The following CCSER1 variants were observed in gnomAD, a reference collection of about 807,000 sequenced individuals.
CCSER1 encodes coiled-coil serine rich protein 1.
Under a neutral mutation model 82.0 loss-of-function variants are expected in CCSER1, and 41 were observed. The ratio of observed to expected loss-of-function variants is 0.50; its 90% CI spans 0.39 to 0.65. The LOEUF (loss-of-function observed/expected upper bound fraction) is 0.65, where lower values mean the gene tolerates loss of function less well. Among genes scored for constraint, CCSER1 ranks in the 30% least tolerant of loss-of-function variants. CCSER1 has a pLI of 0.00. For missense variants in CCSER1, 1,119 were observed against 1,064.2 expected (o/e 1.05, Z -0.72); for synonymous variants, 414 against 383.9 (o/e 1.08, Z -0.92).
chr4:91,134,759 C>A (rs888012321), intron 10 of CCSER1, among the ~76,000 whole-genome samples: 3 of 152,064 alleles, frequency 2.0e-5, no homozygotes, highest in African/African-American at 7.2e-5. Flanking sequence ...GGAATATTTT[C>A]AGTCTTAAAA....
intron 9 of CCSER1, among the ~76,000 whole-genome samples, chr4:90,998,591 T>G (rs1286596236): frequency 1.3e-5 from 2 of 152,208 alleles, no homozygotes; most frequent in Admixed American, 1.3e-4. Context: ...ATGAAATACA[T>G]AAAATTTATT....
At chr4:90,756,524 T>G (rs919838226) in intron 7 of CCSER1, among the ~76,000 whole-genome samples, 2 of 152,218 alleles carry the variant, frequency 1.3e-5, no homozygotes, top group African/African-American at 4.8e-5. Flanking sequence ...TCTTAGTTTC[T>G]AAGCTCACTA....
chr4:91,476,389 G>T (rs1405578561), intron 10 of CCSER1, among the ~76,000 whole-genome samples: 1 of 151,540 alleles, frequency 6.6e-6, no homozygotes, highest in Admixed American at 6.6e-5. Context: ...TATGATTAGT[G>T]ATGTTGAGCA....
intron 7 of CCSER1, chr4:90,781,691 C>A: frequency 2.1e-6 from 2 of 970,844 alleles, no homozygotes; most frequent in Non-Finnish European, 2.4e-6. Flanking sequence ...ATATTAGGGA[C>A]AATAAAAATA....
At chr4:91,407,461 A>G (rs957448457) in intron 10 of CCSER1, among the ~76,000 whole-genome samples, 4 of 152,172 alleles carry the variant, frequency 2.6e-5, no homozygotes, top group African/African-American at 4.8e-5. Flanking sequence ...TCATGTTGTC[A>G]TGCACATTAG....
At chr4:90,194,756 G>GA (rs1560777302) in intron 1 of CCSER1, among the ~76,000 whole-genome samples, 1 of 151,724 alleles carries the variant, frequency 6.6e-6, no homozygotes, top group Non-Finnish European at 1.5e-5. Context: ...CCCAAAAATT[G>GA]AAAAAAACAT....
chr4:90,265,008 T>C (rs970873713), intron 1 of CCSER1, among the ~76,000 whole-genome samples: 2 of 152,074 alleles, frequency 1.3e-5, no homozygotes, highest in Non-Finnish European at 2.9e-5. Flanking sequence ...TCATAAACTA[T>C]GTGAATATCT....
intron 5 of CCSER1, among the ~76,000 whole-genome samples, chr4:90,567,518 G>A (rs772088164): frequency 5.3e-5 from 8 of 151,844 alleles, no homozygotes; most frequent in East Asian, 1.9e-4. Flanking sequence ...TCAAACTCCC[G>A]ACCTCAGGTG....
At chr4:91,433,557 TATAGAC>T (rs1421921763) in intron 10 of CCSER1, among the ~76,000 whole-genome samples, 3 of 152,328 alleles carry the variant, frequency 2.0e-5, no homozygotes, top group South Asian at 4.1e-4. Context: ...CTTTTTAAAA[TATAGAC>T]ATATGTTTGG....
chr4:91,244,463 G>A (rs1305276384), intron 10 of CCSER1, among the ~76,000 whole-genome samples: 1 of 152,170 alleles, frequency 6.6e-6, no homozygotes, highest in African/African-American at 2.4e-5. Flanking sequence ...CCAGGTCCAG[G>A]TGTCTAAGTG....
At chr4:90,941,739 T>C (rs564732413) in intron 9 of CCSER1, among the ~76,000 whole-genome samples, 1 of 152,320 alleles carries the variant, frequency 6.6e-6, no homozygotes, top group Admixed American at 6.5e-5. Flanking sequence ...TATTATATGC[T>C]GGCACCTTGA....
At chr4:91,406,640 A>G (rs191166982) in intron 10 of CCSER1, among the ~76,000 whole-genome samples, 19 of 152,330 alleles carry the variant, frequency 1.2e-4, no homozygotes, top group Admixed American at 6.5e-4. Flanking sequence ...TGTTTTTAAT[A>G]TAGCTGACAA....
At chr4:91,064,282 CAT>C (rs1186808377) in intron 9 of CCSER1, among the ~76,000 whole-genome samples, 3 of 152,138 alleles carry the variant, frequency 2.0e-5, no homozygotes, top group Non-Finnish European at 4.4e-5. Context: ...AGAATACCCA[CAT>C]GTTTGCAAAA....
At chr4:91,263,126 A>G (rs1699482484) in intron 10 of CCSER1, among the ~76,000 whole-genome samples, 1 of 152,108 alleles carries the variant, frequency 6.6e-6, no homozygotes, top group African/African-American at 2.4e-5. Flanking sequence ...ATGTGTGTAT[A>G]GTTAAATTTG....
chr4:91,400,627 C>CTAT (rs959097420), intron 10 of CCSER1, among the ~76,000 whole-genome samples: 2 of 150,538 alleles, frequency 1.3e-5, no homozygotes, highest in African/African-American at 4.9e-5. Flanking sequence ...CTTTGGAACA[C>CTAT]TATTTGTAGT....
chr4:90,419,631 A>G (rs1756380053), intron 4 of CCSER1, among the ~76,000 whole-genome samples: 1 of 151,882 alleles, frequency 6.6e-6, no homozygotes, highest in African/African-American at 2.4e-5. Context: ...TTAGAAGAGG[A>G]GAGAGAAGAG....
intron 4 of CCSER1, among the ~76,000 whole-genome samples, chr4:90,464,014 A>G (rs1167033035): frequency 6.6e-6 from 1 of 152,154 alleles, no homozygotes; most frequent in African/African-American, 2.4e-5. Context: ...AGTAATTTAA[A>G]ATTTTAGTGT....
intron 10 of CCSER1, among the ~76,000 whole-genome samples, chr4:91,588,723 GTTC>G (rs1318506463): frequency 9.2e-5 from 14 of 151,672 alleles, no homozygotes; most frequent in African/African-American, 2.7e-4. Flanking sequence ...GAAAATGTAG[GTTC>G]TTATTATTTG....
At chr4:90,195,458 A>G (rs1736419415) in intron 1 of CCSER1, among the ~76,000 whole-genome samples, 1 of 152,108 alleles carries the variant, frequency 6.6e-6, no homozygotes, top group Non-Finnish European at 1.5e-5. Flanking sequence ...CCAGGGAGGA[A>G]GGGCTGAATG....
Sources: gnomAD v4.1 joint callset for allele counts (sites outside exome capture counted in the v4.1 genomes callset) on GRCh38, gnomAD v4.1.1 for gene constraint, MANE v1.5 for transcripts, NCBI Gene and HGNC (gene_info 2026-07-23, HGNC 2026-07-21) for gene names.